SLC25A13: variants seen among roughly 807,000 people sequenced by gnomAD.
SLC25A13 encodes electrogenic aspartate/glutamate antiporter SLC25A13, mitochondrial.
A neutral mutation model predicts 85.5 loss-of-function variants in SLC25A13; 70 were observed. The ratio of observed to expected loss-of-function variants is 0.82; its 90% CI spans 0.68 to 1.00. SLC25A13 has a LOEUF of 1.00. SLC25A13 is among the 50% of genes least tolerant of loss of function. SLC25A13 has a pLI of 0.00. For missense variants in SLC25A13, 765 were observed against 819.8 expected (o/e 0.93, Z 0.82); for synonymous variants, 259 against 288.7 (o/e 0.90, Z 1.04).
At chr7:96,307,799 CAGATTCCCCTCAT>C (rs1799805409) in intron 1 of SLC25A13, among the ~76,000 whole-genome samples, 2 of 152,090 alleles carry the variant, frequency 1.3e-5, no homozygotes, top group Admixed American at 6.5e-5. Context: ...ATTCTCCAAC[CAGATTCCCCTCAT>C]AGAATGTTTC....
intron 13 of SLC25A13, among the ~76,000 whole-genome samples, chr7:96,153,269 C>A (rs532079009): frequency 6.6e-6 from 1 of 152,176 alleles, no homozygotes; most frequent in African/African-American, 2.4e-5. Context: ...GGCACAAGAA[C>A]AACTAAAGTT....
chr7:96,293,033 T>C (rs1319592095), intron 2 of SLC25A13, among the ~76,000 whole-genome samples: 3 of 152,262 alleles, frequency 2.0e-5, no homozygotes, highest in African/African-American at 7.2e-5. Context: ...CAAACTATAC[T>C]ACAAAGCTAC....
intron 2 of SLC25A13, among the ~76,000 whole-genome samples, chr7:96,282,246 C>T (rs79032045): frequency 0.02 from 3,045 of 152,128 alleles, 97 homozygotes; most frequent in African/African-American, 0.068. Flanking sequence ...GCAAAGGAAA[C>T]CAGAAGGAAC....
chr7:96,258,728 T>G (rs1186855357), intron 3 of SLC25A13, among the ~76,000 whole-genome samples: 2 of 152,034 alleles, frequency 1.3e-5, no homozygotes, highest in African/African-American at 4.8e-5. Context: ...AAATTTCACA[T>G]GGAAACAAAA....
intron 3 of SLC25A13, among the ~76,000 whole-genome samples, chr7:96,259,978 C>T (rs1000489945): frequency 5.3e-5 from 8 of 151,140 alleles, no homozygotes; most frequent in African/African-American, 1.5e-4. Flanking sequence ...ACCGCATGTT[C>T]GCACTCATAA....
intron 5 of SLC25A13, among the ~76,000 whole-genome samples, chr7:96,196,439 C>G (rs1265838775): frequency 6.6e-6 from 1 of 152,152 alleles, no homozygotes; most frequent in Non-Finnish European, 1.5e-5. Flanking sequence ...AGCAGGAAGC[C>G]ACAATGCTAA....
intron 2 of SLC25A13, among the ~76,000 whole-genome samples, chr7:96,285,787 C>G (rs1464042812): frequency 2.0e-5 from 3 of 152,196 alleles, no homozygotes; most frequent in Non-Finnish European, 4.4e-5. Flanking sequence ...CCACTCACCA[C>G]AGAGTTTCCT....
chr7:96,157,127 A>T (rs1182888445), intron 13 of SLC25A13, among the ~76,000 whole-genome samples: 1 of 152,192 alleles, frequency 6.6e-6, no homozygotes, highest in African/African-American at 2.4e-5. Context: ...GGGCAATAGG[A>T]CTGTGACTAC....
At chr7:96,125,701 T>G (rs559442850) in intron 15 of SLC25A13, among the ~76,000 whole-genome samples, 2 of 151,908 alleles carry the variant, frequency 1.3e-5, no homozygotes, top group African/African-American at 4.8e-5. Flanking sequence ...TATCTTAAAT[T>G]TTCTCTCCTT....
intron 3 of SLC25A13, among the ~76,000 whole-genome samples, chr7:96,241,133 C>T (rs1796981776): frequency 6.6e-6 from 1 of 151,680 alleles, no homozygotes; most frequent in South Asian, 2.1e-4. Flanking sequence ...GCTGGGAGTG[C>T]AGCATCTCCG....
intron 13 of SLC25A13, among the ~76,000 whole-genome samples, chr7:96,153,724 C>A (rs1250754305): frequency 3.3e-5 from 5 of 152,214 alleles, no homozygotes; most frequent in African/African-American, 1.2e-4. Context: ...GTATTGAATA[C>A]TAGCACCAGT....
At chr7:96,180,029 C>T (rs1242925753) in intron 11 of SLC25A13, among the ~76,000 whole-genome samples, 2 of 152,190 alleles carry the variant, frequency 1.3e-5, no homozygotes, top group African/African-American at 2.4e-5. Flanking sequence ...CAATAACTCC[C>T]TGAGATATCA....
intron 3 of SLC25A13, among the ~76,000 whole-genome samples, chr7:96,243,260 C>T (rs1005750027): frequency 1.2e-4 from 19 of 152,200 alleles, no homozygotes; most frequent in Admixed American, 7.2e-4. Flanking sequence ...GCAACCACAC[C>T]GGCCCCAGAG....
chr7:96,177,523 T>C (rs1469187620), intron 11 of SLC25A13, among the ~76,000 whole-genome samples: 2 of 152,220 alleles, frequency 1.3e-5, no homozygotes, highest in Admixed American at 6.5e-5. Context: ...AGCTGTGTAA[T>C]TGTGGACAAG....
chr7:96,275,143 A>T (rs1798401091), intron 3 of SLC25A13, among the ~76,000 whole-genome samples: 1 of 152,180 alleles, frequency 6.6e-6, no homozygotes, highest in Admixed American at 6.5e-5. Flanking sequence ...TGAGCATGGA[A>T]TGTTCTTCCA....
intron 3 of SLC25A13, among the ~76,000 whole-genome samples, chr7:96,276,465 A>G (rs1279805940): frequency 1.3e-5 from 2 of 152,164 alleles, no homozygotes; most frequent in Non-Finnish European, 2.9e-5. Flanking sequence ...CTACAAAAAA[A>G]TACAAAAATT....
intron 1 of SLC25A13, among the ~76,000 whole-genome samples, chr7:96,308,270 C>T (rs898528799): frequency 1.3e-5 from 2 of 152,108 alleles, no homozygotes; most frequent in African/African-American, 4.8e-5. Flanking sequence ...AACAGCACAA[C>T]TTGAGACAAT....
intron 3 of SLC25A13, among the ~76,000 whole-genome samples, chr7:96,264,087 G>GCC (rs1160039129): frequency 1.3e-5 from 2 of 151,888 alleles, no homozygotes; most frequent in Non-Finnish European, 2.9e-5. Context: ...TCCCTTGCAC[G>GCC]CCCCTGCACC....
intron 3 of SLC25A13, among the ~76,000 whole-genome samples, chr7:96,256,464 G>T (rs941693480): frequency 5.3e-5 from 8 of 152,016 alleles, no homozygotes; most frequent in African/African-American, 1.7e-4. Context: ...GATCCAAAAA[G>T]ACAAAGAAGG....
Sources: allele counts gnomAD v4.1 joint callset (sites outside exome capture counted in the v4.1 genomes callset), GRCh38; gene constraint gnomAD v4.1.1; transcripts MANE v1.5; gene names NCBI Gene and HGNC (gene_info 2026-07-23, HGNC 2026-07-21).